TLK1: variants seen among roughly 807,000 people sequenced by gnomAD.
TLK1 encodes the protein tousled like kinase 1.
A neutral mutation model predicts 105.3 loss-of-function variants in TLK1; 24 were observed. The ratio of observed to expected loss-of-function variants is 0.23; its 90% confidence interval spans 0.17 to 0.32. The LOEUF (loss-of-function observed/expected upper bound fraction) is 0.32, where lower values mean the gene tolerates loss of function less well. Among genes scored for constraint, TLK1 ranks in the 10% least tolerant of loss-of-function variants. The pLI is 1.00. For missense variants in TLK1, 558 were observed against 910.5 expected, an observed-to-expected ratio of 0.61 and a Z score of 4.98; for synonymous variants, 321 against 310.4, an observed-to-expected ratio of 1.03 and a Z score of -0.36.
intron 1 of TLK1, among the ~76,000 whole-genome samples, chr2:171,214,152 G>A (rs1321371763): frequency 1.3e-5 from 2 of 151,942 alleles, no homozygotes; most frequent in African/African-American, 4.8e-5. Context: ...GCTGCAGTGA[G>A]CTTTATCAAG....
chr2:171,151,158 CA>C (rs1463374530), intron 1 of TLK1, among the ~76,000 whole-genome samples: 1 of 152,030 alleles, frequency 6.6e-6, no homozygotes, highest in Non-Finnish European at 1.5e-5. Flanking sequence ...GCTGCAACTA[CA>C]GGCGTGCACC....
intron 2 of TLK1, among the ~76,000 whole-genome samples, chr2:171,086,794 C>T (rs976556122): frequency 2.9e-4 from 44 of 152,070 alleles, no homozygotes; most frequent in African/African-American, 9.9e-4. Context: ...GTCTTACTGG[C>T]TTGAAAAACA....
intron 12 of TLK1, chr2:171,023,034 C>T: frequency 4.2e-6 from 2 of 470,700 alleles, no homozygotes; most frequent in Non-Finnish European, 8.8e-6. Flanking sequence ...AATACTGATG[C>T]TGCTGCTGCC....
chr2:171,221,332 T>C (rs991542057), intron 1 of TLK1, among the ~76,000 whole-genome samples: 1 of 152,320 alleles, frequency 6.6e-6, no homozygotes, highest in Non-Finnish European at 1.5e-5. Context: ...AGATTTGGGG[T>C]CAGAGCTGGA....
At chr2:171,203,855 G>A (rs761736683) in intron 1 of TLK1, among the ~76,000 whole-genome samples, 1 of 152,138 alleles carries the variant, frequency 6.6e-6, no homozygotes, top group Non-Finnish European at 1.5e-5. Context: ...TTCAAGACCA[G>A]CCTGGCCAAC....
intron 1 of TLK1, among the ~76,000 whole-genome samples, chr2:171,212,724 C>G (rs1693640324): frequency 1.3e-5 from 2 of 152,086 alleles, no homozygotes; most frequent in South Asian, 4.1e-4. Context: ...TTATTAAATG[C>G]CTACTTAGTG....
chr2:171,204,647 C>T (rs1414009505), intron 1 of TLK1, among the ~76,000 whole-genome samples: 1 of 151,798 alleles, frequency 6.6e-6, no homozygotes, highest in Non-Finnish European at 1.5e-5. Flanking sequence ...AAGGAAAAAT[C>T]TACGTATTTT....
Position 171,013,723 on chromosome 2 carries a change from CCTTT to C in TLK1, c.1334+1124_1334+1127del, listed in dbSNP as rs753534373. ...TACATACATAGACATCACAAGAAGA[CCTTT>C]CTAAGCAAGATTTTCATATTTCACA... On this transcript the variant is annotated intron_variant, in intron 13 of 20. Transcript: ENST00000431350. Among the ~76,000 whole-genome samples, 4 of 152,142 alleles carry C rather than the reference CCTTT, an allele frequency of 2.6e-5. No individual in the cohort carries two copies. In the East Asian group the frequency reaches 7.7e-4, roughly 29 times the overall value.
At position 171,140,481 on chromosome 2, in the gene TLK1, C is replaced by G. The variant is rs1034847184; in HGVS notation, c.139+19809G>C. 2.0e-5 allele frequency among the ~76,000 whole-genome samples: 3 copies of G among 152,194 alleles called. No homozygotes were observed. In the South Asian group the frequency reaches 6.2e-4, roughly 31 times the overall value. ...TGTGAGGCTGGAAAGCTAAGCAAAA[C>G]ATCTGAAAGCCTCACTGGGTTAGCC... On this transcript the variant is annotated intron_variant, in intron 1 of 20. Coordinates refer to ENST00000431350, the MANE Select transcript of TLK1 (RefSeq NM_012290.5).
Position 170,997,766 on chromosome 2 carries a change from C to G in TLK1, c.1962G>C (p.Lys654Asn). ...VGKEPPKISN[K>N]VDVWSVGVIF... ...TGACTCCAACCGACCATACATCAACCTTGTTGGAAATCTTTGGTGGCTCTT... is the reference window on the plus strand; with the variant it reads ...TGACTCCAACCGACCATACATCAACGTTGTTGGAAATCTTTGGTGGCTCTT... The change falls in exon 19 of 21, where the codon AAG becomes AAC. Residue 654 changes from lysine (K) to asparagine (N), a missense_variant. Lys to Asn is a moderately conservative substitution (Grantham distance 94). This residue lies in a region of TLK1 where 218 missense variants were observed against 492.9 expected (regional missense o/e 0.44). Transcript: ENST00000431350. 3 of 1,609,870 alleles carry G rather than the reference C, an allele frequency of 1.9e-6. No individual in the cohort carries two copies. The highest frequency in any genetic ancestry group is 2.5e-6 in the Non-Finnish European group (3 of 1,177,570).
At chr2:171,052,633 C>T (rs139860204) in intron 8 of TLK1, among the ~76,000 whole-genome samples, 6 of 152,252 alleles carry the variant, frequency 3.9e-5, no homozygotes, top group East Asian at 3.9e-4. Context: ...TTTCACTTAA[C>T]GTTCAAAAAC....
At position 171,117,642 on chromosome 2, in the gene TLK1, T is replaced by C. The variant is rs77211451; in HGVS notation, c.258+97A>G. On this transcript the variant is annotated intron_variant, in intron 2 of 20. Coordinates refer to ENST00000431350, the MANE Select transcript of TLK1 (RefSeq NM_012290.5). ...ATTCTACACATTATAAAAGTTACATTTGCTGTTAAGCACGTTATGTAGGAA... is the reference window on the plus strand; with the variant it reads ...ATTCTACACATTATAAAAGTTACATCTGCTGTTAAGCACGTTATGTAGGAA... 8.1e-3 allele frequency: 7,522 copies of C among 924,002 alleles called. 377 individuals carry two copies. In the African/African-American group the frequency reaches 0.11, roughly 13 times the overall value. 57.2% of individuals were successfully genotyped at this position (924,002 alleles called of 1,614,324 possible).
At chr2:171,092,867 T>C (rs1200591103) in intron 2 of TLK1, among the ~76,000 whole-genome samples, 1 of 152,062 alleles carries the variant, frequency 6.6e-6, no homozygotes, top group East Asian at 1.9e-4. Context: ...TTACGTGATG[T>C]TAACAGGTTA....
chr2:171,086,471 C>T (rs1041227289), intron 2 of TLK1, among the ~76,000 whole-genome samples: 4 of 151,910 alleles, frequency 2.6e-5, no homozygotes, highest in Non-Finnish European at 5.9e-5. Context: ...ACTAAAAATA[C>T]AAAAAACAGC....
intron 2 of TLK1, among the ~76,000 whole-genome samples, chr2:171,115,566 T>C (rs1690386546): frequency 6.6e-6 from 1 of 152,186 alleles, no homozygotes; most frequent in African/African-American, 2.4e-5. Context: ...ATTTTCATTT[T>C]CCACCCACGA....
In TLK1 at chr2:171,050,183, T is replaced by A; in HGVS notation, c.733-9A>T. 1 of 1,583,784 alleles carries A rather than the reference T, an allele frequency of 6.3e-7. No homozygotes were observed. Among genetic ancestry groups the A allele is most frequent in the South Asian group, 1.1e-5 (1 of 87,850 alleles). On this transcript the variant is annotated splice_polypyrimidine_tract_variant and intron_variant, in intron 8 of 20. Coordinates refer to ENST00000431350, the MANE Select transcript of TLK1 (RefSeq NM_012290.5). The stretch of plus-strand genomic sequence containing the variant: ...CTGAGATCACAGTTAGCCTATGACA[T>A]AAGTAGAAAATGCAAGAGGTCTAGA...
intron 1 of TLK1, among the ~76,000 whole-genome samples, chr2:171,124,929 G>C (rs1028803186): frequency 6.6e-6 from 1 of 152,180 alleles, no homozygotes; most frequent in Non-Finnish European, 1.5e-5. Context: ...GGCTCATCAA[G>C]AGCCGAGAAA....
At chr2:171,026,607 G>A (rs1038299346) in intron 12 of TLK1, among the ~76,000 whole-genome samples, 1 of 152,084 alleles carries the variant, frequency 6.6e-6, no homozygotes, top group African/African-American at 2.4e-5. Flanking sequence ...GTACACCTTG[G>A]AATCACTATA....
intron 3 of TLK1, among the ~76,000 whole-genome samples, chr2:171,066,007 G>A (rs1367369008): frequency 6.6e-6 from 1 of 152,168 alleles, no homozygotes; most frequent in Non-Finnish European, 1.5e-5. Context: ...GAAAATGTTT[G>A]CTGCTTTGTA....
Sources: gnomAD v4.1 joint callset for allele counts (sites outside exome capture counted in the v4.1 genomes callset) on GRCh38, gnomAD v4.1.1 for gene constraint, gnomAD v4.1.1 regional missense constraint, MANE v1.5 for transcripts, NCBI Gene and HGNC (gene_info 2026-07-23, HGNC 2026-07-21) for gene names.